Variants in ROBO2 observed in about 807,000 individuals in gnomAD.
ROBO2 encodes the protein roundabout homolog 2.
Under a neutral mutation model 160.8 loss-of-function variants are expected in ROBO2, and 53 were observed. The ratio of observed to expected loss-of-function variants is 0.33; its 90% CI spans 0.26 to 0.41. ROBO2 has a LOEUF of 0.41. Among genes scored for constraint, ROBO2 ranks in the 10% least tolerant of loss-of-function variants. The pLI, the probability that ROBO2 is intolerant of heterozygous loss-of-function variation, is 1.00. For synonymous variants in ROBO2, 664 were observed against 611.7 expected, an observed-to-expected ratio of 1.09 and a Z score of -1.26; for missense variants, 1,577 against 1,722.4, an observed-to-expected ratio of 0.92 and a Z score of 1.49.
At chr3:77,039,026 C>T (rs553809479), upstream of ROBO2, among the ~76,000 whole-genome samples, 38 of 152,302 alleles carry the variant, frequency 2.5e-4, no homozygotes, top group Admixed American at 2.0e-3. Context: ...GGAACTCCCT[C>T]GCCCTGCGCG....
chr3:76,825,334 A>G (rs762760841), intron 2 of ROBO2, among the ~76,000 whole-genome samples: 8 of 152,182 alleles, frequency 5.3e-5, no homozygotes, highest in Non-Finnish European at 8.8e-5. Context: ...TTGCTGTTTT[A>G]TCACAATAAG....
chr3:76,807,480 C>A (rs962166791), intron 2 of ROBO2, among the ~76,000 whole-genome samples: 25 of 152,054 alleles, frequency 1.6e-4, no homozygotes, highest in Admixed American at 3.3e-4. Context: ...TTGATAAGAA[C>A]ACCTGCTAAT....
chr3:76,897,572 A>T (rs1335807442), intron 2 of ROBO2, among the ~76,000 whole-genome samples: 1 of 152,170 alleles, frequency 6.6e-6, no homozygotes, highest in African/African-American at 2.4e-5. Context: ...GACAAGTACT[A>T]GGGAAAAAAA....
chr3:77,544,968 T>C (rs561555504), intron 6 of ROBO2, among the ~76,000 whole-genome samples: 2 of 152,110 alleles, frequency 1.3e-5, no homozygotes, highest in Admixed American at 1.3e-4. Context: ...TAGACCACCA[T>C]TTAAATCTGA....
chr3:77,067,607 T>G (rs1343589993), intron 1 of ROBO2, among the ~76,000 whole-genome samples: 1 of 152,170 alleles, frequency 6.6e-6, no homozygotes, highest in Non-Finnish European at 1.5e-5. Context: ...TGAAAATAGC[T>G]AACACCGTGC....
chr3:76,379,595 T>G (rs1027801826), intron 2 of ROBO2, among the ~76,000 whole-genome samples: 2 of 152,190 alleles, frequency 1.3e-5, no homozygotes, highest in Non-Finnish European at 2.9e-5. Context: ...AAACAATATT[T>G]AAGATAAAAT....
chr3:76,545,591 T>G (rs954775340), intron 2 of ROBO2, among the ~76,000 whole-genome samples: 1 of 151,980 alleles, frequency 6.6e-6, no homozygotes, highest in African/African-American at 2.4e-5. Flanking sequence ...CTAATCATGT[T>G]CAGTTACAGC....
intron 24 of ROBO2, 133 bp downstream of exon 25, chr3:77,635,176 G>T: frequency 1.1e-6 from 1 of 891,672 alleles, no homozygotes; most frequent in Non-Finnish European, 1.8e-6. Flanking sequence ...CTGGCAATAT[G>T]GCCTTGTTTA....
At chr3:76,828,665 A>C (rs917671691) in intron 2 of ROBO2, among the ~76,000 whole-genome samples, 1 of 152,084 alleles carries the variant, frequency 6.6e-6, no homozygotes, top group African/African-American at 2.4e-5. Context: ...TAAAATATTC[A>C]CCTTCATAGT....
At chr3:77,570,541 CT>C (rs1406588665) in intron 13 of ROBO2, among the ~76,000 whole-genome samples, 1 of 151,816 alleles carries the variant, frequency 6.6e-6, no homozygotes, top group Non-Finnish European at 1.5e-5. Flanking sequence ...ACATTTTACA[CT>C]TTTTTTAATA....
chr3:77,366,956 C>T (rs1184004703), intron 2 of ROBO2, among the ~76,000 whole-genome samples: 2 of 150,666 alleles, frequency 1.3e-5, no homozygotes, highest in Non-Finnish European at 3.0e-5. Context: ...CTCCATTAGG[C>T]CCCACTTCAA....
intron 2 of ROBO2, among the ~76,000 whole-genome samples, chr3:76,656,258 T>G (rs2109976726): frequency 6.6e-6 from 1 of 152,304 alleles, no homozygotes; most frequent in Non-Finnish European, 1.5e-5. Context: ...AAGTTCATTG[T>G]TTACTTTTCA....
At chr3:77,039,786 C>CCCTCCCG (rs1279653997), upstream of ROBO2, 19 of 152,428 alleles carry the variant, frequency 1.2e-4, no homozygotes, top group African/African-American at 4.6e-4. Flanking sequence ...TCCTCCCCTC[C>CCCTCCCG]CCTCCCGCCT....
intron 2 of ROBO2, among the ~76,000 whole-genome samples, chr3:75,973,415 G>A (rs2065048942): frequency 6.6e-6 from 1 of 151,506 alleles, no homozygotes; most frequent in African/African-American, 2.4e-5. Context: ...CAATAATATG[G>A]TTAAACAATC....
intron 2 of ROBO2, among the ~76,000 whole-genome samples, chr3:77,104,651 G>A (rs1199113122): frequency 6.6e-6 from 1 of 152,074 alleles, no homozygotes; most frequent in Non-Finnish European, 1.5e-5. Flanking sequence ...GAATATATAT[G>A]TAATTATTAT....
chr3:76,655,439 C>CATATATATATAT (rs747521584), intron 2 of ROBO2, among the ~76,000 whole-genome samples: 1,712 of 57,744 alleles, frequency 0.03, 191 homozygotes, highest in African/African-American at 0.084. Context: ...GATTTTTTTC[C>CATATATATATAT]ATATATATAT....
At chr3:75,947,230 A>G (rs1024429351) in intron 2 of ROBO2, among the ~76,000 whole-genome samples, 12 of 152,168 alleles carry the variant, frequency 7.9e-5, no homozygotes, top group Admixed American at 7.9e-4. Context: ...TTAAATTAAG[A>G]CGATAGTTAG....
intron 2 of ROBO2, among the ~76,000 whole-genome samples, chr3:75,954,081 C>T (rs1948644386): frequency 6.6e-6 from 1 of 151,812 alleles, no homozygotes; most frequent in Non-Finnish European, 1.5e-5. Context: ...CCCCAACCCC[C>T]TTCCCTGTTC....
At chr3:77,608,387 T>C (rs1299348025) in intron 21 of ROBO2, among the ~76,000 whole-genome samples, 3 of 152,142 alleles carry the variant, frequency 2.0e-5, no homozygotes, top group African/African-American at 7.2e-5. Context: ...ACCATCACAA[T>C]GGGATAATTG....
Sources: gnomAD v4.1 joint callset for allele counts (sites outside exome capture counted in the v4.1 genomes callset) on GRCh38, gnomAD v4.1.1 for gene constraint, MANE v1.5 for transcripts, NCBI Gene and HGNC (gene_info 2026-07-23, HGNC 2026-07-21) for gene names.